TNIK: variants seen among roughly 807,000 people sequenced by gnomAD.
TNIK encodes TRAF2 and NCK interacting kinase.
Under a neutral mutation model 191.3 loss-of-function variants are expected in TNIK, and 49 were observed. That is an observed-to-expected ratio of 0.26 (90% CI 0.20 to 0.32). The LOEUF is 0.32. TNIK is among the 10% of genes least tolerant of loss of function. TNIK has a pLI of 1.00. For synonymous variants in TNIK, 594 were observed against 600.9 expected (o/e 0.99, Z 0.17); for missense variants, 1,155 against 1,702.3 (o/e 0.68, Z 5.66).
intron 3 of TNIK, among the ~76,000 whole-genome samples, chr3:171,227,522 A>T (rs1259785873): frequency 6.6e-6 from 1 of 152,162 alleles, no homozygotes; most frequent in South Asian, 2.1e-4. Context: ...CTGCATTCAT[A>T]TGCAAATATC....
intron 28 of TNIK, among the ~76,000 whole-genome samples, 169 bp downstream of exon 28, chr3:171,079,349 T>A (rs1447166103): frequency 2.0e-5 from 3 of 152,230 alleles, no homozygotes; most frequent in Non-Finnish European, 1.5e-5. Context: ...TCTTTCAATT[T>A]CATCAATCTG....
chr3:171,303,258 C>T (rs1753074396), intron 2 of TNIK, among the ~76,000 whole-genome samples: 1 of 152,192 alleles, frequency 6.6e-6, no homozygotes, highest in South Asian at 2.1e-4. Context: ...GACAGTCAGC[C>T]CTGCCTCTTT....
intron 4 of TNIK, among the ~76,000 whole-genome samples, chr3:171,208,255 C>T (rs745383148): frequency 7.9e-5 from 12 of 151,954 alleles, no homozygotes; most frequent in Admixed American, 5.9e-4. Flanking sequence ...ATGGTATTTA[C>T]GGCTACAGTG....
intron 1 of TNIK, among the ~76,000 whole-genome samples, chr3:171,384,766 T>A (rs995879809): frequency 6.6e-6 from 1 of 152,064 alleles, no homozygotes; most frequent in Non-Finnish European, 1.5e-5. Context: ...GAAATATAAA[T>A]GAAGAGAAGC....
intron 2 of TNIK, among the ~76,000 whole-genome samples, chr3:171,300,861 C>A (rs139314880): frequency 2.0e-5 from 3 of 152,132 alleles, no homozygotes; most frequent in African/African-American, 7.2e-5. Context: ...CTTGAAGCTC[C>A]GTTTCCACTC....
chr3:171,234,926 C>A (rs973058925), intron 2 of TNIK, among the ~76,000 whole-genome samples: 7 of 152,208 alleles, frequency 4.6e-5, no homozygotes, highest in Admixed American at 1.3e-4. Flanking sequence ...CTCCTCTCAA[C>A]CCAAAAAATG....
intron 2 of TNIK, among the ~76,000 whole-genome samples, chr3:171,367,403 AC>A (rs1319558413): frequency 1.3e-5 from 2 of 151,138 alleles, no homozygotes; most frequent in Non-Finnish European, 1.5e-5. Context: ...TAGAAACCAA[AC>A]CCTTAAATAG....
intron 16 of TNIK, among the ~76,000 whole-genome samples, chr3:171,126,762 G>C (rs1023584949): frequency 6.6e-6 from 1 of 152,188 alleles, no homozygotes; most frequent in Admixed American, 6.5e-5. Flanking sequence ...ACTTTCTCCT[G>C]TGCTGGCTCT....
At chr3:171,083,037 A>G (rs2108369742) in intron 26 of TNIK, among the ~76,000 whole-genome samples, 1 of 152,254 alleles carries the variant, frequency 6.6e-6, no homozygotes, top group East Asian at 1.9e-4. Flanking sequence ...CCCAACACCC[A>G]TGCAGTAATC....
At chr3:171,201,042 G>A (rs1017503003) in intron 4 of TNIK, among the ~76,000 whole-genome samples, 8 of 152,142 alleles carry the variant, frequency 5.3e-5, no homozygotes, top group African/African-American at 1.2e-4. Flanking sequence ...AGGTGCAAGC[G>A]GGAAGATTAA....
chr3:171,391,579 C>G (rs1719512953), intron 1 of TNIK, among the ~76,000 whole-genome samples: 1 of 152,146 alleles, frequency 6.6e-6, no homozygotes, highest in Admixed American at 6.5e-5. Flanking sequence ...TAAATAAGTA[C>G]CCCTAGAAGT....
intron 19 of TNIK, among the ~76,000 whole-genome samples, chr3:171,109,811 C>T (rs1306381347): frequency 6.6e-6 from 1 of 152,062 alleles, no homozygotes; most frequent in East Asian, 1.9e-4. Flanking sequence ...TTTTCATAGG[C>T]CTCCCCATTA....
intron 1 of TNIK, among the ~76,000 whole-genome samples, chr3:171,453,932 C>A (rs912513347): frequency 6.6e-6 from 1 of 152,152 alleles, no homozygotes; most frequent in Non-Finnish European, 1.5e-5. Flanking sequence ...GAATCACAAG[C>A]GGAATTCATC....
At chr3:171,086,281 C>T (rs920641726) in intron 24 of TNIK, among the ~76,000 whole-genome samples, 3 of 152,128 alleles carry the variant, frequency 2.0e-5, no homozygotes, top group African/African-American at 7.2e-5. Flanking sequence ...AAATCAAAAC[C>T]ATTTCATCCT....
chr3:171,177,770 C>T lies in TNIK; in HGVS notation c.640-390G>A, dbSNP rs1015490788. On this transcript the variant is annotated intron_variant, in intron 7 of 32. Coordinates refer to ENST00000436636, the MANE Select transcript of TNIK (RefSeq NM_015028.4). ...TGATAAGGTATGACGTAGGGATCCT[C>T]CTGTGAACACATCATCACAGTCAAA... 3.3e-5 allele frequency among the ~76,000 whole-genome samples: 5 copies of T among 152,278 alleles called. No individual in the cohort carries two copies. In the South Asian group the frequency reaches 1.0e-3, roughly 32 times the overall value.
chr3:171,221,600 G>A (rs1263947748), intron 3 of TNIK, among the ~76,000 whole-genome samples: 1 of 152,112 alleles, frequency 6.6e-6, no homozygotes, highest in Non-Finnish European at 1.5e-5. Flanking sequence ...AGAAGATAGT[G>A]CCCATGTCTG....
intron 1 of TNIK, among the ~76,000 whole-genome samples, chr3:171,443,172 A>T (rs1381305479): frequency 2.0e-5 from 3 of 152,222 alleles, no homozygotes; most frequent in Admixed American, 2.0e-4. Context: ...TTTTAGGAAG[A>T]GCAAATGCTT....
At chr3:171,220,090 C>T (rs1437397478) in intron 3 of TNIK, among the ~76,000 whole-genome samples, 1 of 152,136 alleles carries the variant, frequency 6.6e-6, no homozygotes, top group East Asian at 1.9e-4. Context: ...ATGTCCTTTG[C>T]AGGGACATGG....
At chr3:171,335,200 T>C (rs895813800) in intron 2 of TNIK, among the ~76,000 whole-genome samples, 5 of 152,078 alleles carry the variant, frequency 3.3e-5, no homozygotes, top group Non-Finnish European at 5.9e-5. Context: ...TGGTAGACTG[T>C]TTGCGTGCAA....
Sources: gnomAD v4.1 joint callset for allele counts (sites outside exome capture counted in the v4.1 genomes callset) on GRCh38, gnomAD v4.1.1 for gene constraint, MANE v1.5 for transcripts, NCBI Gene and HGNC (gene_info 2026-07-23, HGNC 2026-07-21) for gene names.